The following RBM20 variants were observed in gnomAD, a reference collection of about 807,000 sequenced individuals.
The protein encoded by RBM20 is RNA-binding protein 20.
RBM20 carries 51 observed loss-of-function variants against 110.1 expected under a neutral mutation model. The observed-to-expected ratio is 0.46, with a 90% CI of 0.37 to 0.59. The LOEUF is 0.59. Ranked by LOEUF, RBM20 falls within the 20% of genes least tolerant of loss-of-function variation. The pLI is 0.00. For missense variants in RBM20, 1,512 were observed against 1,574.9 expected (o/e 0.96, Z 0.68); for synonymous variants, 589 against 618.2 (o/e 0.95, Z 0.70).
At chr10:110,823,432 T>A in intron 11 of RBM20, 48 bp from the exon 12 acceptor site, 1 of 8,646 alleles carries the variant, frequency 1.2e-4, no homozygotes, top group Non-Finnish European at 2.5e-4. Context: ...GTTGTATTTC[T>A]TTTTTTTTTT....
chr10:110,779,973 TGTCATTAAA>T (rs1844315872), intron 1 of RBM20, among the ~76,000 whole-genome samples: 1 of 151,770 alleles, frequency 6.6e-6, no homozygotes, highest in South Asian at 2.1e-4. Context: ...GATTTTCTCA[TGTCATTAAA>T]GTGGTTTTGT....
At chr10:110,744,981 T>A (rs1488561955) in intron 1 of RBM20, among the ~76,000 whole-genome samples, 2 of 152,168 alleles carry the variant, frequency 1.3e-5, no homozygotes, top group Non-Finnish European at 2.9e-5. Flanking sequence ...TACTTCTGCC[T>A]CTCCGGAACT....
intron 1 of RBM20, among the ~76,000 whole-genome samples, chr10:110,746,809 T>A (rs1360964168): frequency 2.6e-5 from 4 of 152,200 alleles, no homozygotes; most frequent in Non-Finnish European, 5.9e-5. Flanking sequence ...TATCATCCCA[T>A]CACAATGGAC....
At chr10:110,728,906 T>C (rs1308563354) in intron 1 of RBM20, among the ~76,000 whole-genome samples, 1 of 152,226 alleles carries the variant, frequency 6.6e-6, no homozygotes, top group Admixed American at 6.5e-5. Flanking sequence ...CTTGAACTAG[T>C]TGGGCCTGGG....
intron 1 of RBM20, among the ~76,000 whole-genome samples, chr10:110,778,920 G>T (rs191761210): frequency 6.6e-6 from 1 of 152,302 alleles, no homozygotes; most frequent in Admixed American, 6.5e-5. Context: ...CACCCTTTCT[G>T]CAGTAAGATT....
intron 1 of RBM20, among the ~76,000 whole-genome samples, chr10:110,680,590 T>G: frequency 6.6e-6 from 1 of 152,328 alleles, no homozygotes; most frequent in South Asian, 2.1e-4. Flanking sequence ...GGTGTTTGGC[T>G]AGCTCGGGGA....
rs199882925 is a variant in RBM20 at position 110,811,921 on chromosome 10, AC to A, written c.1881-356del. ...TCTTGCCCCCCAGCGCCCACCCCGC[AC>A]ACCCCCAGGAGGAGAGTCAGAGGTC... is the stretch of plus-strand genomic sequence containing the variant. On this transcript the variant is annotated intron_variant, in intron 8 of 13. Transcript: ENST00000369519. Among the ~76,000 whole-genome samples, 1,332 of 152,130 alleles carry A rather than the reference AC, an allele frequency of 8.8e-3. 8 individuals are homozygous for A. Among genetic ancestry groups the A allele is most frequent in the Middle Eastern group, 0.024 (7 of 294 alleles).
intron 1 of RBM20, among the ~76,000 whole-genome samples, chr10:110,702,180 G>A (rs1200980339): frequency 1.3e-5 from 2 of 152,282 alleles, no homozygotes; most frequent in East Asian, 1.9e-4. Flanking sequence ...TGTTAAACGT[G>A]TTCACTCTCA....
At chr10:110,760,944 A>C (rs1397628689) in intron 1 of RBM20, among the ~76,000 whole-genome samples, 5 of 150,840 alleles carry the variant, frequency 3.3e-5, no homozygotes, top group Non-Finnish European at 7.4e-5. Context: ...ATACAAAAAA[A>C]AATTAGCCAG....
intron 1 of RBM20, among the ~76,000 whole-genome samples, chr10:110,771,416 C>T (rs7919360): frequency 0.023 from 3,521 of 152,226 alleles, 138 homozygotes; most frequent in African/African-American, 0.08. Flanking sequence ...GGCGTTAAGC[C>T]ACCATGCCTA....
intron 1 of RBM20, among the ~76,000 whole-genome samples, chr10:110,656,389 AT>A (rs1862027091): frequency 6.6e-6 from 1 of 152,064 alleles, no homozygotes; most frequent in South Asian, 2.1e-4. Flanking sequence ...TCCCCCTCAC[AT>A]TCAGGGAACC....
chr10:110,795,700 TTAG>T (rs1343710257), intron 5 of RBM20, among the ~76,000 whole-genome samples: 31 of 152,342 alleles, frequency 2.0e-4, no homozygotes, highest in Middle Eastern at 6.8e-3. Flanking sequence ...GACTATGCTA[TTAG>T]AATGTGTTTC....
intron 1 of RBM20, among the ~76,000 whole-genome samples, chr10:110,676,142 C>T (rs1429303455): frequency 6.6e-6 from 1 of 152,164 alleles, no homozygotes; most frequent in Non-Finnish European, 1.5e-5. Flanking sequence ...ACTGCATTTC[C>T]TTTTGTCTTC....
intron 1 of RBM20, among the ~76,000 whole-genome samples, chr10:110,689,648 GTT>G (rs1862557385): frequency 9.6e-6 from 1 of 104,288 alleles, no homozygotes; most frequent in Non-Finnish European, 2.3e-5. Flanking sequence ...TAGGGAGTTT[GTT>G]TGTTGGGAAA....
chr10:110,697,844 A>G (rs1862688788), intron 1 of RBM20, among the ~76,000 whole-genome samples: 1 of 151,270 alleles, frequency 6.6e-6, no homozygotes. Flanking sequence ...CCACACCACA[A>G]TCCCATCAAT....
At chr10:110,669,744 A>T (rs1320272413) in intron 1 of RBM20, among the ~76,000 whole-genome samples, 1 of 152,180 alleles carries the variant, frequency 6.6e-6, no homozygotes, top group Non-Finnish European at 1.5e-5. Context: ...ATTTCAAGGG[A>T]CTGGCTTTCC....
At position 110,821,455 on chromosome 10, in the gene RBM20, T is replaced by G. The variant is rs1844908258; in HGVS notation, c.2836T>G (p.Cys946Gly). The change falls in exon 11 of 14, where the codon TGT becomes GGT. Residue 946 changes from cysteine to glycine, a missense_variant. Transcript: ENST00000369519. ...GAAAGACAAAATTTGCCCAGAAACA[T>G]GTCTGTGTGTGACAACCACCTTAGA... Reference protein sequence around the residue: ...DQKDKICPETCLCVTTTLDLD... With the variant: ...DQKDKICPETGLCVTTTLDLD... 6.4e-7 allele frequency: 1 copy of G among 1,551,622 alleles called. No individual in the cohort carries two copies.
At chr10:110,767,111 G>A (rs375342006) in intron 1 of RBM20, among the ~76,000 whole-genome samples, 14,390 of 106,650 alleles carry the variant, frequency 0.13, 2,027 homozygotes, top group East Asian at 0.31. Context: ...CGGACGGGGC[G>A]GCTGACCCCC....
intron 1 of RBM20, among the ~76,000 whole-genome samples, chr10:110,701,385 G>C (rs1862755986): frequency 6.6e-6 from 1 of 152,086 alleles, no homozygotes; most frequent in East Asian, 1.9e-4. Context: ...CCTACTCCCT[G>C]GTACTGATTC....
Sources: allele counts gnomAD v4.1 joint callset (sites outside exome capture counted in the v4.1 genomes callset), GRCh38; gene constraint gnomAD v4.1.1; transcripts MANE v1.5; gene names NCBI Gene and HGNC (gene_info 2026-07-23, HGNC 2026-07-21).